PRDM11: variants seen among roughly 807,000 people sequenced by gnomAD.
PRDM11 encodes the protein PR domain-containing protein 11.
Under a neutral mutation model 97.8 loss-of-function variants are expected in PRDM11, and 20 were observed. The observed-to-expected ratio is 0.20, with a 90% CI of 0.14 to 0.30. The LOEUF (loss-of-function observed/expected upper bound fraction) is 0.30. Ranked by LOEUF, PRDM11 falls within the 10% of genes least tolerant of loss-of-function variation. The pLI is 1.00. For missense variants in PRDM11, 1,139 were observed against 1,555.2 expected (o/e 0.73, Z 4.50); for synonymous variants, 599 against 637.7 (o/e 0.94, Z 0.91).
intron 3 of PRDM11, 65 bp from the exon 4 acceptor site, chr11:45,182,796 T>A (rs574171227): frequency 2.7e-6 from 4 of 1,493,404 alleles, no homozygotes; most frequent in East Asian, 4.6e-5. Flanking sequence ...CCCCTCTACC[T>A]CCCCCATGGG....
At chr11:45,120,699 T>A (rs1852410136) in intron 1 of PRDM11, among the ~76,000 whole-genome samples, 1 of 151,674 alleles carries the variant, frequency 6.6e-6, no homozygotes, top group Non-Finnish European at 1.5e-5. Context: ...GAGTCTGTCC[T>A]TCATGGTGAA....
At chr11:45,195,498 C>T (rs1337262807) in intron 4 of PRDM11, among the ~76,000 whole-genome samples, 1 of 151,920 alleles carries the variant, frequency 6.6e-6, no homozygotes, top group Non-Finnish European at 1.5e-5. Context: ...TGACAAGCTT[C>T]TTTCACTTCG....
At chr11:45,107,456 A>C (rs1292593691) in intron 1 of PRDM11, among the ~76,000 whole-genome samples, 1 of 152,220 alleles carries the variant, frequency 6.6e-6, no homozygotes, top group African/African-American at 2.4e-5. Flanking sequence ...GCATGGATAC[A>C]CATGGTTTTG....
At chr11:45,166,311 C>T (rs1004231758) in intron 1 of PRDM11, among the ~76,000 whole-genome samples, 2 of 152,206 alleles carry the variant, frequency 1.3e-5, no homozygotes, top group African/African-American at 2.4e-5. Flanking sequence ...ACAGCAGATT[C>T]GCCCTTCTAT....
At chr11:45,165,793 T>C (rs760412717) in intron 1 of PRDM11, among the ~76,000 whole-genome samples, 3 of 152,246 alleles carry the variant, frequency 2.0e-5, no homozygotes, top group Non-Finnish European at 4.4e-5. Flanking sequence ...GCTTCCTTTC[T>C]GCCGTTGCCT....
At chr11:45,216,866 A>G (rs529426614) in intron 5 of PRDM11, among the ~76,000 whole-genome samples, 1 of 152,324 alleles carries the variant, frequency 6.6e-6, no homozygotes, top group South Asian at 2.1e-4. Context: ...TGCTCTTTTG[A>G]ATAAATAAAT....
intron 5 of PRDM11, among the ~76,000 whole-genome samples, chr11:45,210,353 C>T (rs1213670918): frequency 5.3e-5 from 8 of 152,338 alleles, no homozygotes; most frequent in Middle Eastern, 3.4e-3. Flanking sequence ...AGGGCCCCAG[C>T]GGCCGAGGCG....
intron 1 of PRDM11, among the ~76,000 whole-genome samples, chr11:45,140,120 A>T (rs112716066): frequency 0.012 from 1,894 of 152,328 alleles, 33 homozygotes; most frequent in African/African-American, 0.043. Flanking sequence ...AATAGTAGGA[A>T]ATATATTATC....
chr11:45,217,177 A>G (rs1012061198), intron 5 of PRDM11, among the ~76,000 whole-genome samples: 1 of 152,228 alleles, frequency 6.6e-6, no homozygotes, highest in Admixed American at 6.5e-5. Flanking sequence ...GGGACTGGAA[A>G]TATTTTGCAT....
Position 45,219,606 on chromosome 11 carries a change from C to T in PRDM11, c.591C>T (p.Asn197=). 6.2e-7 allele frequency: 1 copy of T among 1,614,116 alleles called. No individual in the cohort carries two copies. Among genetic ancestry groups the T allele is most frequent in the Non-Finnish European group, 8.5e-7 (1 of 1,179,988 alleles). The change falls in exon 6 of 8, where the codon AAC becomes AAT. Residue 197 remains asparagine, a synonymous_variant. Transcript: ENST00000683152. This position sits in a 1 kb window ranked among gnomAD's most constrained non-coding sequence, Gnocchi z 4.2. ...VVISREEREQ[N]LLAFQHSERI... ...TCTCCCGGGAGGAGAGGGAGCAGAA[C>T]CTGCTGGCGTTCCAGCACAGTGAGC... is the stretch of plus-strand genomic sequence containing the variant.
chr11:45,203,300 G>A (rs1853394149), intron 4 of PRDM11, among the ~76,000 whole-genome samples: 1 of 151,504 alleles, frequency 6.6e-6, no homozygotes, highest in South Asian at 2.1e-4. Context: ...AAAGCTGTTA[G>A]AAAGGAAAAA....
At chr11:45,163,032 G>A (rs948784426) in intron 1 of PRDM11, among the ~76,000 whole-genome samples, 2 of 152,172 alleles carry the variant, frequency 1.3e-5, no homozygotes, top group Non-Finnish European at 2.9e-5. Flanking sequence ...GGGAGACGGT[G>A]CCTGAACTGG....
chr11:45,158,933 C>T (rs956575846), intron 1 of PRDM11, among the ~76,000 whole-genome samples: 1 of 152,146 alleles, frequency 6.6e-6, no homozygotes, highest in Admixed American at 6.5e-5. Flanking sequence ...CTTTGCTCAT[C>T]GCAGCCTGTC....
intron 5 of PRDM11, among the ~76,000 whole-genome samples, chr11:45,210,886 T>TG (rs1260307535): frequency 3.9e-5 from 6 of 151,944 alleles, no homozygotes; most frequent in South Asian, 2.1e-4. Context: ...TAAGAAAAAA[T>TG]GGGGGGGTCA....
intron 1 of PRDM11, among the ~76,000 whole-genome samples, chr11:45,161,032 G>A (rs1186045691): frequency 3.9e-5 from 6 of 152,112 alleles, no homozygotes; most frequent in African/African-American, 9.7e-5. Flanking sequence ...TCATAATGCC[G>A]CAGTTCAAAT....
chr11:45,171,948 G>A (rs1852211910), intron 1 of PRDM11, among the ~76,000 whole-genome samples: 1 of 152,116 alleles, frequency 6.6e-6, no homozygotes, highest in African/African-American at 2.4e-5. Context: ...TAGAGCTGGT[G>A]CAGACCCCAC....
intron 1 of PRDM11, among the ~76,000 whole-genome samples, chr11:45,127,667 G>A (rs1025190113): frequency 9.2e-5 from 14 of 152,150 alleles, no homozygotes; most frequent in African/African-American, 1.4e-4. Flanking sequence ...GTAGAACAGC[G>A]GGTTTTCATG....
intron 1 of PRDM11, among the ~76,000 whole-genome samples, chr11:45,106,447 G>A (rs186112669): frequency 2.6e-4 from 40 of 152,258 alleles, no homozygotes; most frequent in Admixed American, 8.5e-4. Context: ...CGAGCTAGAT[G>A]TTCTAGTTAT....
chr11:45,172,495 CA>C (rs1222314087), intron 1 of PRDM11, among the ~76,000 whole-genome samples: 2 of 152,066 alleles, frequency 1.3e-5, no homozygotes, highest in Admixed American at 1.3e-4. Context: ...TATGAAGCAC[CA>C]AAGACACTCC....
Sources: gnomAD v4.1 joint callset for allele counts (sites outside exome capture counted in the v4.1 genomes callset) on GRCh38, gnomAD v4.1.1 for gene constraint, Gnocchi (gnomAD v3.1) non-coding constraint, MANE v1.5 for transcripts, NCBI Gene and HGNC (gene_info 2026-07-23, HGNC 2026-07-21) for gene names.